MADD: variants seen among roughly 807,000 people sequenced by gnomAD.
MADD encodes MAP kinase activating death domain, also known as MAP kinase-activating death domain protein.
MADD carries 109 observed loss-of-function variants against 176.7 expected under a neutral mutation model. That is an observed-to-expected ratio of 0.62 (90% CI 0.53 to 0.72). MADD has a LOEUF of 0.72. Among genes scored for constraint, MADD ranks in the 30% least tolerant of loss-of-function variants. MADD has a pLI of 0.00. For missense variants in MADD, 1,914 were observed against 2,045.5 expected, an observed-to-expected ratio of 0.94 and a Z score of 1.24; for synonymous variants, 771 against 771.3, an observed-to-expected ratio of 1.00 and a Z score of 0.01.
chr11:47,308,827 A>T (rs2085381028), intron 23 of MADD, 128 bp downstream of exon 25: 10 of 1,016,230 alleles, frequency 9.8e-6, no homozygotes, highest in Non-Finnish European at 1.5e-5. Context: ...TAGCAGTTTT[A>T]TACCTGAAGC....
At chr11:47,307,922 G>A (rs2140656984) in intron 22 of MADD, among the ~76,000 whole-genome samples, 2 of 152,306 alleles carry the variant, frequency 1.3e-5, no homozygotes, top group African/African-American at 4.8e-5. Context: ...AACCACCTTG[G>A]CCTCCCAAAG....
At chr11:47,316,045 A>T (rs1458730227) in intron 27 of MADD, among the ~76,000 whole-genome samples, 1 of 152,000 alleles carries the variant, frequency 6.6e-6, no homozygotes, top group Non-Finnish European at 1.5e-5. Context: ...TTCGTTGGCC[A>T]GGCTGGTCTT....
At chr11:47,302,441 T>C (rs1337971418) in intron 22 of MADD, among the ~76,000 whole-genome samples, 1 of 152,232 alleles carries the variant, frequency 6.6e-6, no homozygotes, top group African/African-American at 2.4e-5. Context: ...CTCAAACTCC[T>C]GACCTTGTGA....
intron 24 of MADD, 42 bp from the exon 28 acceptor site, chr11:47,309,465 T>C: frequency 6.2e-7 from 1 of 1,614,072 alleles, no homozygotes; most frequent in Non-Finnish European, 8.5e-7. Flanking sequence ...AGTTCTGTGG[T>C]CTCCCACTTG....
chr11:47,320,924 AAATAAT>A (rs557649529), intron 27 of MADD, among the ~76,000 whole-genome samples: 7 of 151,914 alleles, frequency 4.6e-5, no homozygotes, highest in Middle Eastern at 3.2e-3. Context: ...CTGTCTCAAA[AAATAAT>A]AATAATAATA....
At chr11:47,282,050 G>T (rs564620064) in intron 8 of MADD, among the ~76,000 whole-genome samples, 2 of 151,866 alleles carry the variant, frequency 1.3e-5, no homozygotes, top group African/African-American at 4.8e-5. Flanking sequence ...GGCCAGGCTG[G>T]TCTGGAACTC....
intron 22 of MADD, among the ~76,000 whole-genome samples, chr11:47,302,817 G>A (rs747675369): frequency 6.6e-6 from 1 of 151,978 alleles, no homozygotes; most frequent in Non-Finnish European, 1.5e-5. Flanking sequence ...TGATTATTTT[G>A]TATGTCCTTT....
intron 27 of MADD, among the ~76,000 whole-genome samples, chr11:47,318,423 T>C (rs1189300512): frequency 6.6e-6 from 1 of 152,188 alleles, no homozygotes; most frequent in African/African-American, 2.4e-5. Flanking sequence ...CATGTCACCC[T>C]TTAAAGTGTT....
At chr11:47,308,556 C>T (rs911747440) in intron 22 of MADD, 35 bp from the exon 25 acceptor site, 12 of 1,534,400 alleles carry the variant, frequency 7.8e-6, no homozygotes, top group Non-Finnish European at 9.9e-6. Flanking sequence ...TTCATTGCTA[C>T]CTCTGGCCAC....
chr11:47,305,060 T>TGTGGCA (rs945434673), intron 22 of MADD, among the ~76,000 whole-genome samples: 4 of 152,118 alleles, frequency 2.6e-5, no homozygotes, highest in African/African-American at 9.7e-5. Flanking sequence ...GCTATAGAAG[T>TGTGGCA]GTGGCAGTGG....
chr11:47,328,311 A>C (rs2095678098), intron 31 of MADD: 1 of 1,189,858 alleles, frequency 8.4e-7, no homozygotes, highest in Non-Finnish European at 1.0e-6. Flanking sequence ...TCCCCACTGC[A>C]GCTCCTCAGG....
chr11:47,279,712 G>A (rs1472712856), intron 7 of MADD, among the ~76,000 whole-genome samples: 1 of 151,922 alleles, frequency 6.6e-6, no homozygotes, highest in Non-Finnish European at 1.5e-5. Context: ...GAAGTTAGTA[G>A]TGTGGACCGT....
chr11:47,282,532 A>G, exon 9 of MADD: 1 of 1,614,122 alleles, frequency 6.2e-7, no homozygotes, highest in South Asian at 1.1e-5. Context: ...TTTTGCCGAG[A>G]AATTGGCCAG....
chr11:47,277,362 G>A (rs1434861870), intron 5 of MADD, among the ~76,000 whole-genome samples: 7 of 152,222 alleles, frequency 4.6e-5, no homozygotes, highest in Admixed American at 3.3e-4. Flanking sequence ...GCACAATCTC[G>A]GCCCACTGGA....
chr11:47,294,201 T>G (rs2068179170), intron 20 of MADD, among the ~76,000 whole-genome samples: 1 of 149,332 alleles, frequency 6.7e-6, no homozygotes, highest in Non-Finnish European at 1.5e-5. Context: ...AATACAAAAT[T>G]AGCCAGGCAT....
At chr11:47,274,033 A>G in intron 2 of MADD, 57 bp downstream of exon 2, 8 of 1,488,270 alleles carry the variant, frequency 5.4e-6, no homozygotes, top group Middle Eastern at 1.7e-4. Context: ...TAAAATCTGC[A>G]GTTGTTCCCT....
rs775180855 is a variant in MADD, at chr11:47,279,115, A to G, written c.1290+36A>G. On this transcript the variant is annotated intron_variant, in intron 7 of 32. Transcript: ENST00000402192. Reference sequence around the variant, plus strand: ...AACGAAGGAAAGAAAGGGGAGTATTAGATGCTGTGGGATTCCTATAAGAAG... The same window carrying G: ...AACGAAGGAAAGAAAGGGGAGTATTGGATGCTGTGGGATTCCTATAAGAAG... 3.1e-6 allele frequency: 5 copies of G among 1,588,412 alleles called. No homozygotes were observed. The South Asian group carries it at 4.4e-5, about 14-fold the overall frequency.
exon 3 of MADD, chr11:47,274,571 G>A (rs1405566187): frequency 1.2e-6 from 2 of 1,607,060 alleles, no homozygotes; most frequent in Non-Finnish European, 1.7e-6. Flanking sequence ...AGGCACCCGA[G>A]CAGTGATAGC....
chr11:47,276,614 G>A, intron 4 of MADD, 118 bp from the exon 5 acceptor site: 1 of 1,281,478 alleles, frequency 7.8e-7, no homozygotes, highest in Non-Finnish European at 1.1e-6. Context: ...CAGTGGGAGA[G>A]ACAAAGCTGG....
Sources: gnomAD v4.1 joint callset for allele counts (sites outside exome capture counted in the v4.1 genomes callset) on GRCh38, gnomAD v4.1.1 for gene constraint, MANE v1.5 for transcripts, NCBI Gene and HGNC (gene_info 2026-07-23, HGNC 2026-07-21) for gene names.